The following LRRTM4 variants were observed in gnomAD, a reference collection of about 807,000 sequenced individuals.
The protein encoded by LRRTM4 is leucine-rich repeat transmembrane neuronal protein 4.
Under a neutral mutation model 47.6 loss-of-function variants are expected in LRRTM4, and 25 were observed. The ratio of observed to expected loss-of-function variants is 0.53; its 90% CI spans 0.38 to 0.73. The LOEUF is 0.73. LRRTM4 is among the 30% of genes least tolerant of loss of function. The probability of loss-of-function intolerance (pLI) is 0.00; values close to 1 mark genes in which losing one functional copy is unlikely to be tolerated. For missense variants in LRRTM4, 638 were observed against 713.4 expected (o/e 0.89, Z 1.20); for synonymous variants, 311 against 269.5 (o/e 1.15, Z -1.51).
At chr2:76,846,327 T>G (rs1332906055) in intron 3 of LRRTM4, among the ~76,000 whole-genome samples, 5 of 152,144 alleles carry the variant, frequency 3.3e-5, no homozygotes, top group African/African-American at 1.2e-4. Flanking sequence ...TGTCCTCACT[T>G]TCTTCAAGTT....
chr2:76,975,740 G>C (rs569592235), intron 3 of LRRTM4, among the ~76,000 whole-genome samples: 6 of 151,724 alleles, frequency 4.0e-5, no homozygotes, highest in Non-Finnish European at 5.9e-5. Context: ...CCTTATAATA[G>C]GCCTTGAAGC....
At chr2:77,345,765 A>G (rs543813149) in intron 3 of LRRTM4, among the ~76,000 whole-genome samples, 32 of 151,876 alleles carry the variant, frequency 2.1e-4, no homozygotes, top group Admixed American at 2.0e-4. Context: ...TTAAATATAC[A>G]TTCACCATAT....
chr2:77,033,520 C>G (rs1197267561), intron 3 of LRRTM4, among the ~76,000 whole-genome samples: 3 of 151,634 alleles, frequency 2.0e-5, no homozygotes, highest in Admixed American at 6.6e-5. Flanking sequence ...TCCCTGTGTA[C>G]CGAATATCAA....
At position 77,327,666 on chromosome 2, in the gene LRRTM4, T is replaced by C. The variant is rs117526865; in HGVS notation, c.1551+190652A>G. 1.9e-4 allele frequency among the ~76,000 whole-genome samples: 29 copies of C among 152,308 alleles called. No individual in the cohort carries two copies. In the East Asian group the frequency reaches 5.6e-3, roughly 29 times the overall value. ...TGTTATTTGTTGCCTTCTGTTTTCCTCCATTTAATTATAGAAAGGCCTACC... is the reference window on the plus strand; with the variant it reads ...TGTTATTTGTTGCCTTCTGTTTTCCCCCATTTAATTATAGAAAGGCCTACC... On this transcript the variant is annotated intron_variant, in intron 3 of 3. Transcript: ENST00000409884.
At chr2:76,751,469 A>T (rs775715710) in intron 3 of LRRTM4, among the ~76,000 whole-genome samples, 19 of 152,166 alleles carry the variant, frequency 1.2e-4, no homozygotes, top group Non-Finnish European at 2.6e-4. Flanking sequence ...GTTGTGATTG[A>T]TAGTGATATT....
intron 3 of LRRTM4, among the ~76,000 whole-genome samples, chr2:77,442,321 T>A (rs1337586297): frequency 1.3e-5 from 2 of 152,206 alleles, no homozygotes; most frequent in East Asian, 1.9e-4. Flanking sequence ...TCTTTGGCAG[T>A]CTTTTTCTTT....
intron 3 of LRRTM4, among the ~76,000 whole-genome samples, chr2:77,170,017 A>C (rs1673000989): frequency 6.6e-6 from 1 of 152,114 alleles, no homozygotes; most frequent in Non-Finnish European, 1.5e-5. Flanking sequence ...TTTATATGGC[A>C]ATGGGGCATG....
At chr2:77,095,864 G>C (rs1670797618) in intron 3 of LRRTM4, among the ~76,000 whole-genome samples, 1 of 152,100 alleles carries the variant, frequency 6.6e-6, no homozygotes, top group Admixed American at 6.6e-5. Flanking sequence ...GAATGCAACT[G>C]GCTGTGAGAA....
intron 3 of LRRTM4, among the ~76,000 whole-genome samples, chr2:76,915,478 C>T (rs1674211430): frequency 6.6e-6 from 1 of 152,090 alleles, no homozygotes. Flanking sequence ...GGTTTGCCAC[C>T]AAAGCTAAGG....
chr2:77,398,137 C>T (rs892046186), intron 3 of LRRTM4, among the ~76,000 whole-genome samples: 2 of 151,846 alleles, frequency 1.3e-5, no homozygotes, highest in African/African-American at 2.4e-5. Flanking sequence ...TATTCCAGTG[C>T]AAATAATTCT....
At chr2:77,449,844 C>T (rs1009028770) in intron 3 of LRRTM4, among the ~76,000 whole-genome samples, 1 of 152,190 alleles carries the variant, frequency 6.6e-6, no homozygotes, top group African/African-American at 2.4e-5. Flanking sequence ...AATGTCACCT[C>T]AATTCCCGTC....
rs77803922 is a variant in LRRTM4 at position 77,418,769 on chromosome 2, A to G, written c.1551+99549T>C. On this transcript the variant is annotated intron_variant, in intron 3 of 3. Coordinates refer to ENST00000409884, the MANE Select transcript of LRRTM4 (RefSeq NM_001134745.3). ...GTTTTTCTCCTGAGTCATACACATG[A>G]CTTTGCACAAAGTCACTTTGTTAAA... Among the ~76,000 whole-genome samples, 509 of 152,254 alleles carry G rather than the reference A, an allele frequency of 3.3e-3. 5 individuals carry two copies. The highest frequency in any genetic ancestry group is 0.011 in the African/African-American group (472 of 41,560).
rs562589766 is a variant in LRRTM4 at position 77,231,015 on chromosome 2, A to T, written c.1551+287303T>A. Among the ~76,000 whole-genome samples, 22 of 152,336 alleles carry T rather than the reference A, an allele frequency of 1.4e-4. No individual in the cohort carries two copies. The South Asian group carries it at 4.6e-3, about 32-fold the overall frequency. ...CAATTTCAGATAAAAAATAATTTGC[A>T]GATAAGTATTTTCCAAATATTGAAT... On this transcript the variant is annotated intron_variant, in intron 3 of 3. Coordinates refer to ENST00000409884, the MANE Select transcript of LRRTM4 (RefSeq NM_001134745.3).
At chr2:77,391,211 G>A (rs1248640064) in intron 3 of LRRTM4, among the ~76,000 whole-genome samples, 1 of 151,928 alleles carries the variant, frequency 6.6e-6, no homozygotes, top group African/African-American at 2.4e-5. Flanking sequence ...TTTATTGGTT[G>A]AAGATTTAAT....
At chr2:76,818,505 A>G (rs902404826) in intron 3 of LRRTM4, among the ~76,000 whole-genome samples, 1 of 151,906 alleles carries the variant, frequency 6.6e-6, no homozygotes, top group African/African-American at 2.4e-5. Flanking sequence ...ATGCTTGTAT[A>G]AAAACTATTA....
intron 3 of LRRTM4, among the ~76,000 whole-genome samples, chr2:77,090,614 G>A (rs1038883039): frequency 3.7e-4 from 57 of 152,246 alleles, no homozygotes; most frequent in African/African-American, 1.3e-3. Context: ...GCAGTGGCCA[G>A]ACCTTCCTCC....
chr2:77,049,901 T>C (rs912481552), intron 3 of LRRTM4, among the ~76,000 whole-genome samples: 2 of 152,214 alleles, frequency 1.3e-5, no homozygotes, highest in Non-Finnish European at 1.5e-5. Flanking sequence ...TCTCTCTGTA[T>C]ATATTTTGCT....
At chr2:76,774,601 G>C (rs1053355229) in intron 3 of LRRTM4, among the ~76,000 whole-genome samples, 1 of 152,152 alleles carries the variant, frequency 6.6e-6, no homozygotes, top group Non-Finnish European at 1.5e-5. Flanking sequence ...TTCACATTGA[G>C]TAGGCTAAGG....
intron 3 of LRRTM4, among the ~76,000 whole-genome samples, chr2:77,436,858 A>G (rs1675620306): frequency 6.6e-6 from 1 of 151,974 alleles, no homozygotes; most frequent in African/African-American, 2.4e-5. Flanking sequence ...AACAAAAATA[A>G]CAAAGTATAA....
Sources: gnomAD v4.1 joint callset for allele counts (sites outside exome capture counted in the v4.1 genomes callset) on GRCh38, gnomAD v4.1.1 for gene constraint, MANE v1.5 for transcripts, NCBI Gene and HGNC (gene_info 2026-07-23, HGNC 2026-07-21) for gene names.